Variants in CDH3 observed in about 807,000 individuals in gnomAD.
The protein encoded by CDH3 is cadherin-3.
Under a neutral mutation model 82.0 loss-of-function variants are expected in CDH3, and 54 were observed. That is an observed-to-expected ratio of 0.66 (90% confidence interval 0.53 to 0.83). CDH3 has a LOEUF of 0.83. CDH3 is among the 40% of genes least tolerant of loss of function. CDH3 has a pLI of 0.00. For synonymous variants in CDH3, 446 were observed against 437.9 expected (o/e 1.02, Z -0.23); for missense variants, 1,054 against 1,084.6 (o/e 0.97, Z 0.40).
At chr16:68,694,511 A>G (rs1228999228) in intron 13 of CDH3, among the ~76,000 whole-genome samples, 3 of 151,606 alleles carry the variant, frequency 2.0e-5, no homozygotes, top group African/African-American at 7.3e-5. Context: ...AATCCCAGCT[A>G]CTGGGGAGGC....
chr16:68,708,514 C>G (rs909230504), intron 1 of CDH3, among the ~76,000 whole-genome samples: 28 of 152,304 alleles, frequency 1.8e-4, no homozygotes, highest in African/African-American at 6.3e-4. Context: ...CAGGCATCAC[C>G]CACATGTCAG....
At chr16:68,693,839 G>C (rs981237562) in intron 13 of CDH3, among the ~76,000 whole-genome samples, 1 of 152,240 alleles carries the variant, frequency 6.6e-6, no homozygotes, top group African/African-American at 2.4e-5. Flanking sequence ...TCTTAATACA[G>C]GGTTAACTGT....
chr16:68,678,935 G>T lies in CDH3; in HGVS notation c.691+29G>T, dbSNP rs755378442. On this transcript the variant is annotated intron_variant, in intron 6 of 15. Coordinates refer to ENST00000264012, the MANE Select transcript of CDH3 (RefSeq NM_001793.6). ...AGAGGACTGGGAAGGGGACTGCTAC[G>T]GGGCTGGGCCCACACCCTTAAATGC... The T allele has an allele frequency of 1.9e-6, 3 of 1,611,170 alleles. No individual in the cohort carries two copies. In the African/African-American group the frequency reaches 4.0e-5, roughly 22 times the overall value.
At chr16:68,661,568 T>G (rs1316908517) in intron 2 of CDH3, among the ~76,000 whole-genome samples, 1 of 152,250 alleles carries the variant, frequency 6.6e-6, no homozygotes, top group Non-Finnish European at 1.5e-5. Context: ...TCATGTGACT[T>G]TCATAGTTCA....
At chr16:68,679,010 G>A (rs962467505) in intron 6 of CDH3, 104 bp downstream of exon 6, 4 of 1,235,654 alleles carry the variant, frequency 3.2e-6, no homozygotes, top group Non-Finnish European at 4.7e-6. Context: ...CAGATTACTT[G>A]GGATCTTCTT....
intron 7 of CDH3, 51 bp downstream of exon 7, chr16:68,680,025 G>C: frequency 6.4e-7 from 1 of 1,561,612 alleles, no homozygotes; most frequent in South Asian, 1.1e-5. Context: ...CCCAGGCTGG[G>C]AACTGACTCT....
intron 1 of CDH3, among the ~76,000 whole-genome samples, chr16:68,712,556 C>G (rs1001322929): frequency 6.6e-6 from 1 of 152,024 alleles, no homozygotes; most frequent in African/African-American, 2.4e-5. Context: ...TCTGATCTTT[C>G]TAAGATGAAA....
At chr16:68,716,172 G>A (rs1162663839) in intron 1 of CDH3, among the ~76,000 whole-genome samples, 2 of 151,640 alleles carry the variant, frequency 1.3e-5, no homozygotes, top group East Asian at 1.9e-4. Flanking sequence ...GGAGGCTGAG[G>A]CAGGAGAATC....
chr16:68,672,505 C>CA (rs1960914291), intron 2 of CDH3, among the ~76,000 whole-genome samples: 1 of 152,188 alleles, frequency 6.6e-6, no homozygotes, highest in Non-Finnish European at 1.5e-5. Context: ...TAAGGCAAAG[C>CA]ACTCATCTTC....
At chr16:68,665,720 T>G (rs1567442399) in intron 2 of CDH3, among the ~76,000 whole-genome samples, 1 of 152,100 alleles carries the variant, frequency 6.6e-6, no homozygotes, top group Non-Finnish European at 1.5e-5. Context: ...GCACACCTCA[T>G]GCTGAGTCAG....
At chr16:68,697,185 G>T (rs554471456) in intron 15 of CDH3, among the ~76,000 whole-genome samples, 2 of 151,962 alleles carry the variant, frequency 1.3e-5, no homozygotes, top group Admixed American at 1.3e-4. Context: ...TTAGCTGGGC[G>T]TCCTGGTGGG....
At chr16:68,703,087 A>G (rs949137533), downstream of CDH3, among the ~76,000 whole-genome samples, 2 of 152,200 alleles carry the variant, frequency 1.3e-5, no homozygotes, top group Non-Finnish European at 2.9e-5. Flanking sequence ...GCCAGCGGCC[A>G]GGCCTCACTT....
At chr16:68,695,553 G>C (rs916123898) in intron 14 of CDH3, among the ~76,000 whole-genome samples, 168 bp downstream of exon 14, 2 of 152,344 alleles carry the variant, frequency 1.3e-5, no homozygotes. Flanking sequence ...CATTGCTGTA[G>C]TCTCTTTGGC....
intron 12 of CDH3, among the ~76,000 whole-genome samples, chr16:68,688,994 C>G (rs1193066086): frequency 6.6e-6 from 1 of 152,202 alleles, no homozygotes; most frequent in African/African-American, 2.4e-5. Context: ...ATGGCCAAAA[C>G]CCAGTGTTAT....
At chr16:68,693,084 A>G (rs1961619057) in intron 13 of CDH3, among the ~76,000 whole-genome samples, 1 of 152,218 alleles carries the variant, frequency 6.6e-6, no homozygotes, top group South Asian at 2.1e-4. Context: ...AGCCTGGGCA[A>G]CAGGGCGAGA....
At chr16:68,697,178 G>A (rs1961752366) in intron 15 of CDH3, among the ~76,000 whole-genome samples, 1 of 152,056 alleles carries the variant, frequency 6.6e-6, no homozygotes, top group East Asian at 1.9e-4. Flanking sequence ...CAAAAAATTA[G>A]CTGGGCGTCC....
At position 68,684,576 on chromosome 16, in the gene CDH3, C is replaced by A. The variant is rs1567451576; in HGVS notation, c.1183-7C>A. On this transcript the variant is annotated splice_region_variant and splice_polypyrimidine_tract_variant and intron_variant, in intron 9 of 15. Coordinates refer to ENST00000264012, the MANE Select transcript of CDH3 (RefSeq NM_001793.6). The stretch of plus-strand genomic sequence containing the variant: ...TGGTCCAGGTCCTTCTTCCTCTTCT[C>A]TCCTAGGGTTTGGATTTTGAGGCCA... 6.2e-7 allele frequency: 1 copy of A among 1,614,032 alleles called. No individual in the cohort carries two copies. Among genetic ancestry groups the A allele is most frequent in the African/African-American group, 1.3e-5 (1 of 74,928 alleles).
At chr16:68,650,039 A>G (rs1027499090) in intron 2 of CDH3, among the ~76,000 whole-genome samples, 1 of 149,796 alleles carries the variant, frequency 6.7e-6, no homozygotes, top group Non-Finnish European at 1.5e-5. Context: ...GCCTCAAAGA[A>G]AAAAAAAAAA....
At chr16:68,692,546 A>C (rs759217757) in intron 13 of CDH3, among the ~76,000 whole-genome samples, 1 of 152,170 alleles carries the variant, frequency 6.6e-6, no homozygotes, top group Non-Finnish European at 1.5e-5. Flanking sequence ...TAGAAAGGCA[A>C]TTTCTCAGGC....
Sources: gnomAD v4.1 joint callset for allele counts (sites outside exome capture counted in the v4.1 genomes callset) on GRCh38, gnomAD v4.1.1 for gene constraint, MANE v1.5 for transcripts, NCBI Gene and HGNC (gene_info 2026-07-23, HGNC 2026-07-21) for gene names.